The following NEGR1 variants were observed in gnomAD, a reference collection of about 807,000 sequenced individuals.
The protein encoded by NEGR1 is IgLON family member 4.
NEGR1 carries 10 observed loss-of-function variants against 40.9 expected under a neutral mutation model. The ratio of observed to expected loss-of-function variants is 0.24; its 90% CI spans 0.15 to 0.42. The LOEUF is 0.42. NEGR1 is among the 10% of genes least tolerant of loss of function. The pLI is 1.00. For missense variants in NEGR1, 352 were observed against 438.9 expected (o/e 0.80, Z 1.77); for synonymous variants, 185 against 166.8 (o/e 1.11, Z -0.84).
intron 6 of NEGR1, among the ~76,000 whole-genome samples, chr1:71,535,223 G>A (rs1261874999): frequency 2.0e-5 from 3 of 151,574 alleles, no homozygotes; most frequent in Non-Finnish European, 4.4e-5. Context: ...TCTATGTTCC[G>A]TAACTTGGAC....
intron 2 of NEGR1, among the ~76,000 whole-genome samples, chr1:71,799,475 TG>T (rs1186251242): frequency 2.0e-5 from 3 of 152,194 alleles, no homozygotes; most frequent in African/African-American, 7.2e-5. Context: ...TCCAAGTCTT[TG>T]CTAGTGTGAA....
At chr1:71,556,985 A>T (rs924729306) in intron 6 of NEGR1, among the ~76,000 whole-genome samples, 1 of 151,628 alleles carries the variant, frequency 6.6e-6, no homozygotes, top group Non-Finnish European at 1.5e-5. Context: ...TGCATTTTGC[A>T]AAGTATGAAA....
chr1:71,475,063 A>G (rs1557539045), intron 6 of NEGR1, among the ~76,000 whole-genome samples: 1 of 152,088 alleles, frequency 6.6e-6, no homozygotes, highest in Non-Finnish European at 1.5e-5. Context: ...GTTAGAAAAA[A>G]TACAACCTAA....
intron 1 of NEGR1, among the ~76,000 whole-genome samples, chr1:72,263,443 A>G (rs529572517): frequency 6.6e-6 from 1 of 151,738 alleles, no homozygotes; most frequent in African/African-American, 2.4e-5. Flanking sequence ...GCAGTCCCCA[A>G]GAAACATCAT....
chr1:71,963,680 A>G (rs1258817250), intron 1 of NEGR1, among the ~76,000 whole-genome samples: 1 of 152,210 alleles, frequency 6.6e-6, no homozygotes, highest in African/African-American at 2.4e-5. Context: ...GAGATATTGT[A>G]CTGCAAACAA....
At chr1:71,481,302 G>A (rs1018302614) in intron 6 of NEGR1, among the ~76,000 whole-genome samples, 7 of 151,728 alleles carry the variant, frequency 4.6e-5, no homozygotes, top group Non-Finnish European at 1.0e-4. Flanking sequence ...AAAACTGATA[G>A]GTTTAGCTTC....
chr1:71,601,452 G>C (rs139316042), intron 5 of NEGR1, among the ~76,000 whole-genome samples: 76 of 152,258 alleles, frequency 5.0e-4, no homozygotes, highest in Non-Finnish European at 9.4e-4. Context: ...ATTTGGCCCA[G>C]CAATTCCACT....
intron 6 of NEGR1, among the ~76,000 whole-genome samples, chr1:71,462,408 C>A (rs1270921345): frequency 6.6e-6 from 1 of 152,146 alleles, no homozygotes. Flanking sequence ...AGAGGAAAAT[C>A]AAGCACTAAT....
At chr1:71,606,738 T>C (rs1650086632) in intron 5 of NEGR1, among the ~76,000 whole-genome samples, 1 of 148,396 alleles carries the variant, frequency 6.7e-6, no homozygotes, top group Non-Finnish European at 1.5e-5. Context: ...TCAAAGAAAC[T>C]GGAAAGTGTT....
intron 1 of NEGR1, among the ~76,000 whole-genome samples, chr1:72,156,908 T>TA (rs1433696462): frequency 2.4e-4 from 37 of 151,920 alleles, no homozygotes; most frequent in Admixed American, 1.4e-3. Context: ...TTCTATTCTA[T>TA]ATATTAATAA....
intron 1 of NEGR1, among the ~76,000 whole-genome samples, chr1:72,265,767 T>A (rs924913447): frequency 2.0e-5 from 3 of 150,934 alleles, no homozygotes; most frequent in African/African-American, 7.3e-5. Flanking sequence ...ATTTTCTTAA[T>A]AGGTTATACA....
Position 72,139,094 on chromosome 1 carries a change from T to C in NEGR1, c.176+143225A>G, listed in dbSNP as rs1024758864. Among the ~76,000 whole-genome samples, 24 of 32,632 alleles carry C rather than the reference T, an allele frequency of 7.4e-4. No individual in the cohort carries two copies. In the Admixed American group the frequency reaches 0.011, roughly 15 times the overall value. The allele number at this position is 32,632 out of a possible 152,430, so 21.4% of individuals were successfully genotyped here. On this transcript the variant is annotated intron_variant, in intron 1 of 6. Transcript: ENST00000357731. The stretch of plus-strand genomic sequence containing the variant: ...TGGAAACACATATCTAAATAGCTCA[T>C]GAGTCAAAAAAAAAAATCAAAGGTG...
rs1003668371 is a variant in NEGR1, at chr1:71,405,918, G to A, written c.*1528C>T. ...TGATGGCCTTTCTTTAGTAAAGAGTGAAACCATCAAACTATTCCTGTAAAT... is the reference window on the plus strand; with the variant it reads ...TGATGGCCTTTCTTTAGTAAAGAGTAAAACCATCAAACTATTCCTGTAAAT... On this transcript the variant is annotated 3_prime_UTR_variant, in exon 7 of 7. Coordinates refer to ENST00000357731, the MANE Select transcript of NEGR1 (RefSeq NM_173808.3). 1.3e-5 allele frequency: 2 copies of A among 152,210 alleles called. No homozygotes were observed. The highest frequency in any genetic ancestry group is 2.9e-5 in the Non-Finnish European group (2 of 67,832). 9.4% of individuals were successfully genotyped at this position (152,210 alleles called of 1,614,324 possible). A position where few individuals can be genotyped will look rare whatever the true frequency, so the allele number is the denominator to read the frequency against.
At chr1:71,415,991 C>T (rs376133422) in intron 6 of NEGR1, among the ~76,000 whole-genome samples, 1 of 152,072 alleles carries the variant, frequency 6.6e-6, no homozygotes, top group African/African-American at 2.4e-5. Flanking sequence ...ATACGATACA[C>T]ATTGCCCTTA....
chr1:72,062,249 C>T (rs1647190136), intron 1 of NEGR1, among the ~76,000 whole-genome samples: 1 of 151,742 alleles, frequency 6.6e-6, no homozygotes, highest in South Asian at 2.1e-4. Flanking sequence ...TTCTAAGCAC[C>T]TTTCTTCAAT....
intron 6 of NEGR1, among the ~76,000 whole-genome samples, chr1:71,555,195 A>C (rs944992087): frequency 6.6e-6 from 1 of 151,526 alleles, no homozygotes; most frequent in Non-Finnish European, 1.5e-5. Context: ...TTTTACATCA[A>C]ACCCTGGTTT....
chr1:71,776,300 G>A lies in NEGR1; in HGVS notation c.410-3C>T. ...GATGTCATATATCTTAGGAGGAACT[G>A]AAATGACAAAATACGCAGTGATTAG... On this transcript the variant is annotated splice_polypyrimidine_tract_variant and splice_region_variant and intron_variant, in intron 2 of 6. Coordinates refer to ENST00000357731, the MANE Select transcript of NEGR1 (RefSeq NM_173808.3). The A allele has an allele frequency of 6.4e-7, 1 of 1,552,224 alleles. No homozygotes were observed. Among genetic ancestry groups the A allele is most frequent in the Non-Finnish European group, 8.7e-7 (1 of 1,142,998 alleles).
At chr1:71,766,943 C>T (rs557702533) in intron 3 of NEGR1, among the ~76,000 whole-genome samples, 38 of 152,278 alleles carry the variant, frequency 2.5e-4, no homozygotes, top group Non-Finnish European at 4.4e-4. Flanking sequence ...CTGTCATGAC[C>T]GTAAGTATCC....
chr1:71,811,822 C>A (rs990785145), intron 2 of NEGR1, among the ~76,000 whole-genome samples: 6 of 149,820 alleles, frequency 4.0e-5, no homozygotes, highest in Non-Finnish European at 8.9e-5. Context: ...AGGATTCAAA[C>A]CCAGGTCTTT....
Sources: allele counts gnomAD v4.1 joint callset (sites outside exome capture counted in the v4.1 genomes callset), GRCh38; gene constraint gnomAD v4.1.1; transcripts MANE v1.5; gene names NCBI Gene and HGNC (gene_info 2026-07-23, HGNC 2026-07-21).